Variants in DNAAF10 observed in about 807,000 individuals in gnomAD.
The protein encoded by DNAAF10 is WD repeat domain 92.
A neutral mutation model predicts 43.7 loss-of-function variants in DNAAF10; 28 were observed. The observed-to-expected ratio is 0.64, with a 90% CI of 0.48 to 0.88. DNAAF10 has a LOEUF of 0.88. Among genes scored for constraint, DNAAF10 ranks in the 40% least tolerant of loss-of-function variants. The pLI is 0.00. For synonymous variants in DNAAF10, 156 were observed against 157.3 expected (o/e 0.99, Z 0.06); for missense variants, 403 against 439.1 (o/e 0.92, Z 0.73).
At chr2:68,143,228 G>A (rs1230077868) in intron 3 of DNAAF10, among the ~76,000 whole-genome samples, 3 of 152,026 alleles carry the variant, frequency 2.0e-5, no homozygotes, top group African/African-American at 4.8e-5. Flanking sequence ...TTCTCTATAG[G>A]ATTCATACAA....
At chr2:68,154,623 T>A (rs1051030026) in intron 1 of DNAAF10, among the ~76,000 whole-genome samples, 1 of 152,238 alleles carries the variant, frequency 6.6e-6, no homozygotes. Context: ...TTCTAAATGT[T>A]CTATCGTGGA....
At chr2:68,150,063 C>A (rs1572926522) in intron 1 of DNAAF10, among the ~76,000 whole-genome samples, 1 of 152,322 alleles carries the variant, frequency 6.6e-6, no homozygotes, top group East Asian at 1.9e-4. Flanking sequence ...TCCCAGAATT[C>A]CACCGCTGTC....
chr2:68,151,124 C>A (rs1238530411), intron 1 of DNAAF10, among the ~76,000 whole-genome samples: 2 of 152,212 alleles, frequency 1.3e-5, no homozygotes, highest in African/African-American at 4.8e-5. Flanking sequence ...AATGTATCTA[C>A]ATTGAGAAGC....
chr2:68,140,732 C>T (rs1280583182), intron 4 of DNAAF10, among the ~76,000 whole-genome samples: 3 of 152,212 alleles, frequency 2.0e-5, no homozygotes, highest in African/African-American at 7.2e-5. Flanking sequence ...TGTCCTGAGC[C>T]ATCTCTAAGG....
intron 1 of DNAAF10, among the ~76,000 whole-genome samples, chr2:68,153,707 T>C (rs1366762743): frequency 2.0e-5 from 3 of 151,318 alleles, no homozygotes; most frequent in Non-Finnish European, 4.4e-5. Context: ...TATTTAAAAA[T>C]TTTTTTCCAT....
At chr2:68,149,121 G>T (rs7595076) in intron 1 of DNAAF10, among the ~76,000 whole-genome samples, 31,554 of 152,054 alleles carry the variant, frequency 0.21, 3,553 homozygotes, top group Non-Finnish European at 0.25. Context: ...GTTTATCCAG[G>T]CATTTCTATA....
intron 1 of DNAAF10, among the ~76,000 whole-genome samples, chr2:68,150,714 CAGAG>C (rs1301634571): frequency 6.6e-6 from 1 of 152,008 alleles, no homozygotes; most frequent in Admixed American, 6.5e-5. Context: ...GCCTGGGCGA[CAGAG>C]AGAGACTCCG....
Position 68,157,312 on chromosome 2 carries a change from G to A in DNAAF10, c.132C>T (p.Gly44=). 1 of 1,614,108 alleles carries A rather than the reference G, an allele frequency of 6.2e-7. No homozygotes were observed. Among genetic ancestry groups the A allele is most frequent in the Non-Finnish European group, 8.5e-7 (1 of 1,180,012 alleles). ...GCTGGATCTCGTACAGCTGAATGAC[G>A]CCGGTGCCCCGTGCGAAGTTGCCCA... The part of the protein sequence containing the change: ...VTMGNFARGT[G]VIQLYEIQHG... The change falls in exon 1 of 8, where the codon GGC becomes GGT. Residue 44 remains glycine (G), a synonymous_variant. Transcript: ENST00000295121.
intron 7 of DNAAF10, among the ~76,000 whole-genome samples, chr2:68,132,836 G>A (rs1672952943): frequency 6.6e-6 from 1 of 152,170 alleles, no homozygotes; most frequent in African/African-American, 2.4e-5. Flanking sequence ...TTTACATTGC[G>A]CTAAACTTCA....
chr2:68,136,387 CAAT>C (rs1489679324), intron 6 of DNAAF10, among the ~76,000 whole-genome samples: 6 of 152,006 alleles, frequency 3.9e-5, no homozygotes, highest in African/African-American at 1.2e-4. Context: ...AAAAGCAAAC[CAAT>C]ATTATAATTT....
chr2:68,144,739 A>G, intron 2 of DNAAF10, 24 bp from the exon 3 acceptor site: 1 of 1,600,632 alleles, frequency 6.2e-7, no homozygotes, highest in Non-Finnish European at 8.5e-7. Context: ...ACAGCTTCTT[A>G]CACCACATAT....
At position 68,130,634 on chromosome 2, in the gene DNAAF10, CA is replaced by C. The variant is rs1353279978; in HGVS notation, c.*603del. On this transcript the variant is annotated 3_prime_UTR_variant, in exon 8 of 8. Coordinates refer to ENST00000295121, the MANE Select transcript of DNAAF10 (RefSeq NM_138458.4). ...AATATGGAACTTCAGGGACACAGAA[CA>C]AATCTGAAATATGTTTAATTATAGA... The C allele has an allele frequency of 6.5e-6, 1 of 152,672 alleles. No homozygotes were observed. Among genetic ancestry groups the C allele is most frequent in the African/African-American group, 2.4e-5 (1 of 41,370 alleles). 9.5% of individuals were successfully genotyped at this position (152,672 alleles called of 1,614,324 possible). A position where few individuals can be genotyped will look rare whatever the true frequency, so the allele number is the denominator to read the frequency against.
chr2:68,147,932 G>A (rs1673361698), intron 1 of DNAAF10, among the ~76,000 whole-genome samples: 1 of 152,092 alleles, frequency 6.6e-6, no homozygotes, highest in Admixed American at 6.5e-5. Context: ...GATGGTTATG[G>A]GAACAAAAAT....
rs150769999 is a variant in DNAAF10, at chr2:68,141,234, G to A, written c.517+460C>T. Among the ~76,000 whole-genome samples, 507 of 152,266 alleles carry A rather than the reference G, an allele frequency of 3.3e-3. 2 individuals are homozygous for A. The highest frequency in any genetic ancestry group is 0.012 in the African/African-American group (487 of 41,540). On this transcript the variant is annotated intron_variant, in intron 4 of 7. Transcript: ENST00000295121. ...ATTTTCTAGAAAATAAACATACTCC[G>A]TATATAGCGTAATGTATGATTTGTT...
chr2:68,153,828 T>C (rs964357622), intron 1 of DNAAF10, among the ~76,000 whole-genome samples: 1 of 141,142 alleles, frequency 7.1e-6, no homozygotes, highest in Non-Finnish European at 1.5e-5. Flanking sequence ...CTCGGCTCAC[T>C]GCAACTTCTG....
chr2:68,131,864 T>C (rs1672936856), intron 7 of DNAAF10: 1 of 189,630 alleles, frequency 5.3e-6, no homozygotes, highest in Non-Finnish European at 1.1e-5. Flanking sequence ...TAAGTAACAT[T>C]TGCAGAACTT....
chr2:68,137,483 G>C, intron 5 of DNAAF10, 50 bp from the exon 6 acceptor site: 1 of 1,536,096 alleles, frequency 6.5e-7, no homozygotes, highest in Admixed American at 2.0e-5. Flanking sequence ...TATTACTCAG[G>C]AGGCTCTTTT....
rs565928207 is a variant in DNAAF10 at position 68,154,488 on chromosome 2, C to T, written c.183+2773G>A. Among the ~76,000 whole-genome samples the T allele has an allele frequency of 3.9e-5, 6 of 152,188 alleles. No homozygotes were observed. In the South Asian group the frequency reaches 1.2e-3, roughly 32 times the overall value. ...ATCTCGATCTCCTGACCTCATGATC[C>T]ACCCGCCTCGGCCTCCCAAAGTGCT... On this transcript the variant is annotated intron_variant, in intron 1 of 7. Transcript: ENST00000295121.
intron 7 of DNAAF10, 49 bp downstream of exon 7, chr2:68,134,653 T>C: frequency 6.3e-7 from 1 of 1,589,144 alleles, no homozygotes; most frequent in Non-Finnish European, 8.5e-7. Flanking sequence ...AATCCTACTT[T>C]ACACCCACAG....
Sources: gnomAD v4.1 joint callset for allele counts (sites outside exome capture counted in the v4.1 genomes callset) on GRCh38, gnomAD v4.1.1 for gene constraint, MANE v1.5 for transcripts, NCBI Gene and HGNC (gene_info 2026-07-23, HGNC 2026-07-21) for gene names.